CFAP54: variants seen among roughly 807,000 people sequenced by gnomAD.
The protein encoded by CFAP54 is cilia and flagella associated protein 54.
CFAP54 carries 290 observed loss-of-function variants against 370.4 expected under a neutral mutation model. The ratio of observed to expected loss-of-function variants is 0.78; its 90% CI spans 0.71 to 0.86. The LOEUF (loss-of-function observed/expected upper bound fraction) is 0.86. Among genes scored for constraint, CFAP54 ranks in the 40% least tolerant of loss-of-function variants. The probability of loss-of-function intolerance (pLI) is 0.00; values close to 1 mark genes in which losing one functional copy is unlikely to be tolerated. For synonymous variants in CFAP54, 1,206 were observed against 1,236.5 expected (o/e 0.98, Z 0.52); for missense variants, 3,399 against 3,528.7 (o/e 0.96, Z 0.93).
At chr12:96,619,705 T>A (rs891130158) in intron 26 of CFAP54, among the ~76,000 whole-genome samples, 4 of 152,232 alleles carry the variant, frequency 2.6e-5, no homozygotes, top group African/African-American at 9.6e-5. Context: ...TGCCCAGTTA[T>A]CTGTAAGCTT....
chr12:96,705,070 G>A (rs1050378912), intron 47 of CFAP54, among the ~76,000 whole-genome samples: 6 of 152,198 alleles, frequency 3.9e-5, no homozygotes, highest in African/African-American at 2.4e-5. Flanking sequence ...AAACTTAGGC[G>A]TATTGGCAGT....
At chr12:96,863,268 A>G (rs925081364) in intron 67 of CFAP54, among the ~76,000 whole-genome samples, 1 of 152,072 alleles carries the variant, frequency 6.6e-6, no homozygotes, top group Non-Finnish European at 1.5e-5. Flanking sequence ...CCAACACTCC[A>G]CCATCATTAC....
At position 96,520,610 on chromosome 12, in the gene CFAP54, T is replaced by C. The variant is rs1311241555; in HGVS notation, c.943-1247T>C. On this transcript the variant is annotated intron_variant, in intron 6 of 67. Coordinates refer to ENST00000524981, the MANE Select transcript of CFAP54 (RefSeq NM_001306084.2). Reference sequence around the variant, plus strand: ...GTATCAATTTGAAAAAGGCACCTTCTCTACATTATGTGACACCTGGCTTGG... The same window carrying C: ...GTATCAATTTGAAAAAGGCACCTTCCCTACATTATGTGACACCTGGCTTGG... Among the ~76,000 whole-genome samples the C allele has an allele frequency of 2.0e-5, 3 of 152,214 alleles. No individual in the cohort carries two copies. In the East Asian group the frequency reaches 5.8e-4, roughly 29 times the overall value.
At chr12:96,829,775 A>T (rs958302658) in intron 66 of CFAP54, among the ~76,000 whole-genome samples, 11 of 152,040 alleles carry the variant, frequency 7.2e-5, no homozygotes, top group Admixed American at 6.6e-4. Context: ...CCTTAAGTAT[A>T]TTCACAATGT....
intron 50 of CFAP54, among the ~76,000 whole-genome samples, chr12:96,729,278 C>G (rs1020862182): frequency 3.9e-5 from 6 of 152,186 alleles, no homozygotes; most frequent in Non-Finnish European, 7.4e-5. Flanking sequence ...GCCCTGCCCC[C>G]AGAGGTGCAG....
At chr12:96,535,052 G>GTGTGTTTA (rs1491302214) in intron 11 of CFAP54, among the ~76,000 whole-genome samples, 2 of 129,020 alleles carry the variant, frequency 1.6e-5, no homozygotes, top group African/African-American at 2.8e-5. Context: ...GTGTGTGTGT[G>GTGTGTTTA]TTTATTTATT....
chr12:96,535,984 G>C (rs1325397059), intron 12 of CFAP54, among the ~76,000 whole-genome samples: 1 of 152,208 alleles, frequency 6.6e-6, no homozygotes, highest in Non-Finnish European at 1.5e-5. Context: ...GAGGGTACCA[G>C]TGTTCAGGTA....
At chr12:96,832,409 G>C (rs1206986087) in intron 66 of CFAP54, among the ~76,000 whole-genome samples, 1 of 151,990 alleles carries the variant, frequency 6.6e-6, no homozygotes, top group Non-Finnish European at 1.5e-5. Flanking sequence ...TTAGTTGTGT[G>C]AACTTGGGCA....
At chr12:96,867,824 A>G (rs867275519) in intron 67 of CFAP54, among the ~76,000 whole-genome samples, 3 of 152,178 alleles carry the variant, frequency 2.0e-5, no homozygotes, top group Admixed American at 6.5e-5. Context: ...CAAGAGTTCT[A>G]TTGCACAAAA....
Position 96,507,534 on chromosome 12 carries a change from T to TACACACACACAC in CFAP54, c.739+449_739+460dup, listed in dbSNP as rs34776926. Among the ~76,000 whole-genome samples, 72 of 140,702 alleles carry TACACACACACAC rather than the reference T, an allele frequency of 5.1e-4. 1 individual carries two copies. Among genetic ancestry groups the TACACACACACAC allele is most frequent in the African/African-American group, 1.6e-3 (61 of 38,676 alleles). The allele number at this position is 140,702 out of a possible 152,430, so 92.3% of individuals were successfully genotyped here. On this transcript the variant is annotated intron_variant, in intron 4 of 67. Coordinates refer to ENST00000524981, the MANE Select transcript of CFAP54 (RefSeq NM_001306084.2). ...CTGCTGAGGAACACACACACACACA[T>TACACACACACAC]ACACACACACACACACACACACACA...
At chr12:96,781,081 G>A (rs75955577) in intron 60 of CFAP54, among the ~76,000 whole-genome samples, 4,113 of 152,090 alleles carry the variant, frequency 0.027, 193 homozygotes, top group African/African-American at 0.092. Context: ...AGAGGAAAGG[G>A]CCCTCAGTAT....
rs1347359300 is a variant in CFAP54, at chr12:96,590,848, G to A, written c.3212+1285G>A. 6.6e-5 allele frequency among the ~76,000 whole-genome samples: 10 copies of A among 152,126 alleles called. No homozygotes were observed. The East Asian group carries it at 1.5e-3, about 23-fold the overall frequency. ...TTTGAGTTTGGTTTTCCAGCAGGAC[G>A]CCTTTGTGAATATGAGATGCCAGTA... On this transcript the variant is annotated intron_variant, in intron 23 of 67. Coordinates refer to ENST00000524981, the MANE Select transcript of CFAP54 (RefSeq NM_001306084.2).
At position 96,713,469 on chromosome 12, in the gene CFAP54, C is replaced by G. The variant is rs79447996; in HGVS notation, c.6724+4666C>G. On this transcript the variant is annotated intron_variant, in intron 48 of 67. Transcript: ENST00000524981. ...TATTTTGGACTACTGATTTTCCTGGCTTCCTGTGTTAATAAAATAGTTAAT... is the reference window on the plus strand; with the variant it reads ...TATTTTGGACTACTGATTTTCCTGGGTTCCTGTGTTAATAAAATAGTTAAT... Among the ~76,000 whole-genome samples the G allele has an allele frequency of 5.1e-3, 779 of 152,110 alleles. 7 individuals carry two copies. The highest frequency in any genetic ancestry group is 0.018 in the African/African-American group (739 of 41,444).
chr12:96,594,283 C>G lies in CFAP54; in HGVS notation c.3361-8C>G. 2.0e-6 allele frequency: 3 copies of G among 1,503,078 alleles called. No individual in the cohort carries two copies. Among genetic ancestry groups the G allele is most frequent in the Non-Finnish European group, 2.7e-6 (3 of 1,125,028 alleles). The allele number at this position is 1,503,078 out of a possible 1,614,324, so 93.1% of individuals were successfully genotyped here. ...TCAATCTGAGTAACAATGCCTGTTT[C>G]TTTACAGATTGCCAGACTGATTGAA... On this transcript the variant is annotated splice_region_variant and splice_polypyrimidine_tract_variant and intron_variant, in intron 24 of 67. Coordinates refer to ENST00000524981, the MANE Select transcript of CFAP54 (RefSeq NM_001306084.2).
At chr12:96,554,983 C>T (rs1955737133) in intron 17 of CFAP54, 181 bp downstream of exon 17, 2 of 467,702 alleles carry the variant, frequency 4.3e-6, no homozygotes, top group Non-Finnish European at 7.0e-6. Context: ...TATTGCTTTA[C>T]ACTTTGCATA....
chr12:96,820,220 T>C (rs1959016844), intron 65 of CFAP54, among the ~76,000 whole-genome samples: 1 of 152,148 alleles, frequency 6.6e-6, no homozygotes, highest in Non-Finnish European at 1.5e-5. Context: ...GTCTAGTATA[T>C]CTTTTTGACT....
intron 46 of CFAP54, among the ~76,000 whole-genome samples, chr12:96,702,498 A>C (rs2136580952): frequency 6.6e-6 from 1 of 152,308 alleles, no homozygotes; most frequent in African/African-American, 2.4e-5. Flanking sequence ...AGGAAAGAGA[A>C]ACCAGTTGGG....
chr12:96,873,440 C>T (rs1004410226), intron 67 of CFAP54, among the ~76,000 whole-genome samples: 6 of 152,294 alleles, frequency 3.9e-5, no homozygotes, highest in Non-Finnish European at 7.3e-5. Flanking sequence ...GCTTCTGGCT[C>T]GACTCAATCC....
chr12:96,729,841 A>G lies in CFAP54; in HGVS notation c.6965+9276A>G, dbSNP rs553867668. Among the ~76,000 whole-genome samples, 458 of 152,260 alleles carry G rather than the reference A, an allele frequency of 3.0e-3. 5 individuals are homozygous for G. The highest frequency in any genetic ancestry group is 3.3e-3 in the South Asian group (16 of 4,822). ...ATTTGGCCATCTTGGCTCCTCCAAG[A>G]TGATTCTTTAGAAGAGTTTTACTAT... On this transcript the variant is annotated intron_variant, in intron 50 of 67. Transcript: ENST00000524981.
Sources: allele counts gnomAD v4.1 joint callset (sites outside exome capture counted in the v4.1 genomes callset), GRCh38; gene constraint gnomAD v4.1.1; transcripts MANE v1.5; gene names NCBI Gene and HGNC (gene_info 2026-07-23, HGNC 2026-07-21).